Variants in ADAMTSL3 observed in about 807,000 individuals in gnomAD.
The protein encoded by ADAMTSL3 is ADAMTS-like protein 3.
A neutral mutation model predicts 201.7 loss-of-function variants in ADAMTSL3; 128 were observed. That is an observed-to-expected ratio of 0.63 (90% CI 0.55 to 0.73). ADAMTSL3 has a LOEUF of 0.73. ADAMTSL3 is among the 30% of genes least tolerant of loss of function. The probability of loss-of-function intolerance (pLI) is 0.00; values close to 1 mark genes in which losing one functional copy is unlikely to be tolerated. For missense variants in ADAMTSL3, 1,990 were observed against 2,119.6 expected, an observed-to-expected ratio of 0.94 and a Z score of 1.20; for synonymous variants, 738 against 748.4, an observed-to-expected ratio of 0.99 and a Z score of 0.23.
intron 3 of ADAMTSL3, among the ~76,000 whole-genome samples, chr15:83,706,084 T>G (rs2061846769): frequency 6.6e-6 from 1 of 152,010 alleles, no homozygotes. Flanking sequence ...TTTGAGAGGG[T>G]CTATAATTTA....
intron 9 of ADAMTSL3, among the ~76,000 whole-genome samples, chr15:83,880,382 T>A (rs909977981): frequency 6.6e-6 from 1 of 152,158 alleles, no homozygotes. Context: ...TCACTGTTTT[T>A]GTAAATAAAG....
At chr15:83,825,047 CCA>C (rs1472978864) in intron 6 of ADAMTSL3, 1 of 152,068 alleles carries the variant, frequency 6.6e-6, no homozygotes, top group African/African-American at 2.4e-5. Flanking sequence ...TCTGGATGTA[CCA>C]CAGTTTATCC....
intron 21 of ADAMTSL3, among the ~76,000 whole-genome samples, chr15:83,987,973 G>T (rs1001918012): frequency 3.3e-5 from 5 of 152,072 alleles, no homozygotes; most frequent in African/African-American, 1.2e-4. Context: ...TCCTAACAAA[G>T]GTTCTTCTCA....
At chr15:83,730,139 A>C (rs990003101) in intron 3 of ADAMTSL3, among the ~76,000 whole-genome samples, 9 of 152,130 alleles carry the variant, frequency 5.9e-5, no homozygotes, top group Non-Finnish European at 1.3e-4. Flanking sequence ...AGAACAGGCA[A>C]CGAAGTGGAG....
At chr15:83,657,244 T>A (rs1229216969) in intron 2 of ADAMTSL3, among the ~76,000 whole-genome samples, 1 of 152,184 alleles carries the variant, frequency 6.6e-6, no homozygotes, top group African/African-American at 2.4e-5. Context: ...TTCTTTCACC[T>A]TATAAAATTT....
intron 16 of ADAMTSL3, among the ~76,000 whole-genome samples, chr15:83,919,217 T>C (rs1403076732): frequency 6.6e-6 from 1 of 152,132 alleles, no homozygotes; most frequent in Non-Finnish European, 1.5e-5. Flanking sequence ...ATCCAAGGAT[T>C]GAAGCCAGGG....
intron 6 of ADAMTSL3, 68 bp downstream of exon 6, chr15:83,820,115 C>A (rs986062896): frequency 3.7e-6 from 5 of 1,352,306 alleles, no homozygotes; most frequent in Admixed American, 1.7e-5. Flanking sequence ...TAAACAGAAC[C>A]CTTTTCTTCT....
rs1567318469 is a variant in ADAMTSL3 at position 84,037,695 on chromosome 15, T to C, written c.4970-5T>C. Reference sequence around the variant, plus strand: ...ATGTTACAGATATTTGTTTCTTTTTTGCAGGAGACTGCACAGACACAACTC... The same window carrying C: ...ATGTTACAGATATTTGTTTCTTTTTCGCAGGAGACTGCACAGACACAACTC... On this transcript the variant is annotated splice_polypyrimidine_tract_variant and splice_region_variant and intron_variant, in intron 29 of 29. Coordinates refer to ENST00000286744, the MANE Select transcript of ADAMTSL3 (RefSeq NM_207517.3). 1 of 1,589,296 alleles carries C rather than the reference T, an allele frequency of 6.3e-7. No individual in the cohort carries two copies.
intron 23 of ADAMTSL3, among the ~76,000 whole-genome samples, chr15:83,995,992 G>C (rs944302804): frequency 1.3e-5 from 2 of 152,100 alleles, no homozygotes; most frequent in Non-Finnish European, 2.9e-5. Flanking sequence ...AAATTTAATA[G>C]CAGTAGAATT....
intron 2 of ADAMTSL3, among the ~76,000 whole-genome samples, chr15:83,695,707 T>C (rs1399347038): frequency 6.6e-6 from 1 of 152,182 alleles, no homozygotes; most frequent in Non-Finnish European, 1.5e-5. Context: ...TTTTTTATCT[T>C]GGAAAAAAAT....
intron 20 of ADAMTSL3, among the ~76,000 whole-genome samples, chr15:83,975,940 ATTGGGGAAATATGAGAGTATG>A (rs1285897689): frequency 6.6e-6 from 1 of 152,206 alleles, no homozygotes; most frequent in African/African-American, 2.4e-5. Context: ...ATATAGATAT[ATTGGGGAAATATGAGAGTATG>A]GCTGGGAGTC....
intron 5 of ADAMTSL3, among the ~76,000 whole-genome samples, chr15:83,813,902 C>A (rs1239421202): frequency 2.0e-5 from 3 of 152,098 alleles, no homozygotes; most frequent in Non-Finnish European, 4.4e-5. Flanking sequence ...AGGTCTAATA[C>A]CTGAATTCAC....
At chr15:83,885,351 A>T (rs548611002) in intron 10 of ADAMTSL3, 139 bp downstream of exon 10, 18 of 685,402 alleles carry the variant, frequency 2.6e-5, no homozygotes, top group Non-Finnish European at 4.5e-5. Flanking sequence ...AGCAGCCTGA[A>T]TGCAATCGTG....
chr15:83,951,987 TTTC>T (rs968149857), intron 19 of ADAMTSL3, among the ~76,000 whole-genome samples: 1 of 152,128 alleles, frequency 6.6e-6, no homozygotes, highest in African/African-American at 2.4e-5. Flanking sequence ...TTGTATCGTA[TTTC>T]TTCTACTAAT....
At chr15:83,739,767 C>G in intron 3 of ADAMTSL3, 1 of 521,562 alleles carries the variant, frequency 1.9e-6, no homozygotes, top group South Asian at 1.5e-5. Flanking sequence ...TGCCAAGGAG[C>G]CCTAGAAGTC....
chr15:83,750,165 G>A (rs183950125), intron 3 of ADAMTSL3, among the ~76,000 whole-genome samples: 3 of 152,174 alleles, frequency 2.0e-5, no homozygotes, highest in South Asian at 2.1e-4. Flanking sequence ...CCAGAGTCAC[G>A]TATCAGCTAT....
chr15:83,842,358 A>C (rs902002606), intron 7 of ADAMTSL3, among the ~76,000 whole-genome samples: 5 of 152,028 alleles, frequency 3.3e-5, no homozygotes, highest in African/African-American at 1.2e-4. Flanking sequence ...AAGCTGAAAG[A>C]GCACACTGTA....
rs192340793 is a variant in ADAMTSL3 at position 83,854,366 on chromosome 15, C to T, written c.728-4400C>T. On this transcript the variant is annotated intron_variant, in intron 7 of 29. Coordinates refer to ENST00000286744, the MANE Select transcript of ADAMTSL3 (RefSeq NM_207517.3). The stretch of plus-strand genomic sequence containing the variant: ...TTGATTAATTTGTTGATCTCCCTCA[C>T]GTAATTCCTGTGAATTGATCAGCAA... Among the ~76,000 whole-genome samples the T allele has an allele frequency of 1.6e-4, 25 of 152,228 alleles. No individual in the cohort carries two copies. In the East Asian group the frequency reaches 2.9e-3, roughly 18 times the overall value.
chr15:83,946,703 G>A (rs1436314656), intron 19 of ADAMTSL3, among the ~76,000 whole-genome samples: 1 of 152,200 alleles, frequency 6.6e-6, no homozygotes, highest in East Asian at 1.9e-4. Context: ...GAGGCAGATC[G>A]TTCATTGGAG....
Sources: gnomAD v4.1 joint callset for allele counts (sites outside exome capture counted in the v4.1 genomes callset) on GRCh38, gnomAD v4.1.1 for gene constraint, MANE v1.5 for transcripts, NCBI Gene and HGNC (gene_info 2026-07-23, HGNC 2026-07-21) for gene names.